Variants in NYAP2 observed in about 807,000 individuals in gnomAD.
NYAP2 encodes neuronal tyrosine-phosphorylated phosphoinositide-3-kinase adapter 2.
A neutral mutation model predicts 50.4 loss-of-function variants in NYAP2; 23 were observed. The observed-to-expected ratio is 0.46, with a 90% CI of 0.33 to 0.65. The LOEUF (loss-of-function observed/expected upper bound fraction) is 0.65. NYAP2 is among the 30% of genes least tolerant of loss of function. The probability of loss-of-function intolerance (pLI) is 0.02; values close to 1 mark genes in which losing one functional copy is unlikely to be tolerated. For synonymous variants in NYAP2, 394 were observed against 365.2 expected, an observed-to-expected ratio of 1.08 and a Z score of -0.90; for missense variants, 885 against 861.0, an observed-to-expected ratio of 1.03 and a Z score of -0.35.
At chr2:225,622,610 C>T (rs150500114) in intron 5 of NYAP2, among the ~76,000 whole-genome samples, 25 of 144,074 alleles carry the variant, frequency 1.7e-4, no homozygotes, top group African/African-American at 4.9e-4. Flanking sequence ...GACAAAGTCT[C>T]GCCCTGTTGC....
At chr2:225,627,687 A>G (rs892203798) in intron 6 of NYAP2, among the ~76,000 whole-genome samples, 18 of 152,266 alleles carry the variant, frequency 1.2e-4, no homozygotes, top group African/African-American at 3.4e-4. Context: ...AAGTTTTAAT[A>G]GAATGTACCT....
intron 3 of NYAP2, among the ~76,000 whole-genome samples, chr2:225,462,020 C>A (rs1191232276): frequency 1.3e-5 from 2 of 152,126 alleles, no homozygotes; most frequent in Non-Finnish European, 2.9e-5. Flanking sequence ...AGGACTCAAT[C>A]CTAATTAGAA....
At chr2:225,679,491 TTG>T in the NYAP2 span, among the ~76,000 whole-genome samples, 1 of 109,972 alleles carries the variant, frequency 9.1e-6, no homozygotes, top group African/African-American at 3.3e-5. Flanking sequence ...GAGCTTCTAA[TTG>T]TTTTTTTTTT....
At chr2:225,578,027 G>T (rs28539402) in intron 4 of NYAP2, among the ~76,000 whole-genome samples, 11,715 of 152,012 alleles carry the variant, frequency 0.077, 602 homozygotes, top group East Asian at 0.23. Flanking sequence ...TGCCTCCTGG[G>T]TTCAAGCTAT....
intron 3 of NYAP2, among the ~76,000 whole-genome samples, chr2:225,449,725 C>T (rs549280490): frequency 1.1e-3 from 169 of 151,180 alleles, no homozygotes; most frequent in Non-Finnish European, 3.5e-4. Flanking sequence ...TCTCTTGCCT[C>T]GGCCTCCCAA....
intron 6 of NYAP2, among the ~76,000 whole-genome samples, chr2:225,648,473 T>C (rs1018530122): frequency 6.6e-6 from 1 of 152,102 alleles, no homozygotes. Context: ...GGAAACACAG[T>C]CTGCATTGTG....
the NYAP2 span, among the ~76,000 whole-genome samples, chr2:225,673,957 C>T: frequency 1.3e-5 from 2 of 152,004 alleles, no homozygotes; most frequent in Non-Finnish European, 2.9e-5. Context: ...GTTCCTGACC[C>T]AGATGGACTT....
intron 4 of NYAP2, among the ~76,000 whole-genome samples, chr2:225,545,536 T>A (rs1374372191): frequency 7.2e-5 from 11 of 152,194 alleles, no homozygotes; most frequent in African/African-American, 2.7e-4. Context: ...TTGATTTTTC[T>A]TAATTTTTTC....
the NYAP2 span, among the ~76,000 whole-genome samples, chr2:225,667,828 C>T: frequency 4.6e-5 from 7 of 151,964 alleles, no homozygotes; most frequent in African/African-American, 9.7e-5. Flanking sequence ...TACAGATGCA[C>T]GGTTGGAAGA....
chr2:225,493,240 G>A (rs1382771782), intron 3 of NYAP2, among the ~76,000 whole-genome samples: 1 of 152,094 alleles, frequency 6.6e-6, no homozygotes, highest in Non-Finnish European at 1.5e-5. Context: ...GCCTACCTCT[G>A]CCTCCCAAAG....
chr2:225,674,247 G>T, the NYAP2 span, among the ~76,000 whole-genome samples: 4 of 152,080 alleles, frequency 2.6e-5, no homozygotes, highest in Admixed American at 6.6e-5. Flanking sequence ...TTGTATATTA[G>T]GTTGTGGTAT....
intron 4 of NYAP2, among the ~76,000 whole-genome samples, chr2:225,556,464 A>G (rs1341258720): frequency 6.6e-6 from 1 of 151,872 alleles, no homozygotes; most frequent in African/African-American, 2.4e-5. Flanking sequence ...CTGGAGTGGC[A>G]CTCCCCCAGG....
intron 3 of NYAP2, among the ~76,000 whole-genome samples, chr2:225,415,029 A>G (rs562770462): frequency 6.6e-6 from 1 of 152,104 alleles, no homozygotes; most frequent in South Asian, 2.1e-4. Context: ...AAACATTGTG[A>G]ATCTGGAAGA....
chr2:225,473,596 A>C (rs1306558715), intron 3 of NYAP2, among the ~76,000 whole-genome samples: 3 of 152,230 alleles, frequency 2.0e-5, no homozygotes, highest in Non-Finnish European at 2.9e-5. Context: ...TGTTGCCTGC[A>C]TAAATGTCTT....
rs148466896 is a variant in NYAP2 at position 225,455,121 on chromosome 2, A to T, written c.221+46020A>T. 2.8e-3 allele frequency among the ~76,000 whole-genome samples: 427 copies of T among 152,242 alleles called. 2 individuals are homozygous for T. The highest frequency in any genetic ancestry group is 0.01 in the Middle Eastern group (3 of 294). Reference sequence around the variant, plus strand: ...AAACAAAACAAAACAAAACAAAATTAAAAAAACCACATTATCCCCCAGAGT... The same window carrying T: ...AAACAAAACAAAACAAAACAAAATTTAAAAAACCACATTATCCCCCAGAGT... On this transcript the variant is annotated intron_variant, in intron 3 of 6. Coordinates refer to ENST00000636099, the Ensembl canonical transcript of NYAP2.
chr2:225,689,289 T>C, the NYAP2 span, among the ~76,000 whole-genome samples: 1 of 152,314 alleles, frequency 6.6e-6, no homozygotes, highest in Admixed American at 6.5e-5. Flanking sequence ...GATTTTTCTT[T>C]ATAATCACGT....
At chr2:225,617,337 G>A (rs1025684609) in intron 5 of NYAP2, among the ~76,000 whole-genome samples, 1 of 152,102 alleles carries the variant, frequency 6.6e-6, no homozygotes, top group Non-Finnish European at 1.5e-5. Flanking sequence ...GCTGAGGCAG[G>A]AGAATTGCTT....
chr2:225,470,060 C>G (rs1689987972), intron 3 of NYAP2, among the ~76,000 whole-genome samples: 1 of 152,134 alleles, frequency 6.6e-6, no homozygotes, highest in Non-Finnish European at 1.5e-5. Context: ...CAGGCCTGTT[C>G]TGGAGATTTC....
At chr2:225,653,990 G>T (rs1045982917) in exon 7 of NYAP2, 2 of 148,972 alleles carry the variant, frequency 1.3e-5, no homozygotes, top group Non-Finnish European at 3.0e-5. Context: ...CTGCACTCCA[G>T]CCTGGGTGAC....
Sources: gnomAD v4.1 joint callset for allele counts (sites outside exome capture counted in the v4.1 genomes callset) on GRCh38, gnomAD v4.1.1 for gene constraint, MANE v1.5 for transcripts, NCBI Gene and HGNC (gene_info 2026-07-23, HGNC 2026-07-21) for gene names.